OSR2: variants seen among roughly 807,000 people sequenced by gnomAD.
OSR2 encodes odd-skipped related transciption factor 2.
A neutral mutation model predicts 22.3 loss-of-function variants in OSR2; 8 were observed. The observed-to-expected ratio is 0.36, with a 90% CI of 0.21 to 0.65. The LOEUF (loss-of-function observed/expected upper bound fraction) is 0.65. Among genes scored for constraint, OSR2 ranks in the 30% least tolerant of loss-of-function variants. The pLI is 0.66. For missense variants in OSR2, 311 were observed against 413.4 expected, an observed-to-expected ratio of 0.75 and a Z score of 2.15; for synonymous variants, 179 against 173.8, an observed-to-expected ratio of 1.03 and a Z score of -0.23.
In OSR2 at chr8:98,948,651, G is replaced by T; in HGVS notation, c.-114-188G>T. On this transcript the variant is annotated intron_variant, in intron 1 of 3. Coordinates refer to ENST00000297565, the MANE Select transcript of OSR2 (RefSeq NM_001142462.3). The surrounding 1 kb of genome is among the most constrained non-coding windows in gnomAD (Gnocchi z 6.0). Reference sequence around the variant, plus strand: ...GTGGAGCACTTCTTGTTCTGGCCCCGGGCTGATCTGCACGCGGACTTGAGC... The same window carrying T: ...GTGGAGCACTTCTTGTTCTGGCCCCTGGCTGATCTGCACGCGGACTTGAGC... 3 of 961,640 alleles carry T rather than the reference G, an allele frequency of 3.1e-6. No homozygotes were observed. Among genetic ancestry groups the T allele is most frequent in the Non-Finnish European group, 4.5e-6 (3 of 669,264 alleles). The allele number at this position is 961,640 out of a possible 1,614,324, so 59.6% of individuals were successfully genotyped here.
rs562098657 is a variant in OSR2, at chr8:98,951,823, C to T, written c.*122C>T. 47 of 948,348 alleles carry T rather than the reference C, an allele frequency of 5.0e-5. No individual in the cohort carries two copies. The highest frequency in any genetic ancestry group is 4.5e-4 in the East Asian group (17 of 37,844). 58.7% of individuals were successfully genotyped at this position (948,348 alleles called of 1,614,324 possible). A position where few individuals can be genotyped will look rare whatever the true frequency, so the allele number is the denominator to read the frequency against. On this transcript the variant is annotated 3_prime_UTR_variant, in exon 4 of 4. Coordinates refer to ENST00000297565, the MANE Select transcript of OSR2 (RefSeq NM_001142462.3). The stretch of plus-strand genomic sequence containing the variant: ...ACCCCAGCTCTTCCCTTGCTGCAGC[C>T]GCACCTGCAGCTCCAGGGAGTTAAC...
At position 98,944,668 on chromosome 8, in the gene OSR2, C is replaced by T. The variant is rs907773675; in HGVS notation, c.-270C>T. The T allele has an allele frequency of 2.0e-5, 3 of 152,298 alleles. No individual in the cohort carries two copies. Among genetic ancestry groups the T allele is most frequent in the Admixed American group, 6.5e-5 (1 of 15,288 alleles). The allele number at this position is 152,298 out of a possible 1,614,324, so 9.4% of individuals were successfully genotyped here. A position where few individuals can be genotyped will look rare whatever the true frequency, so the allele number is the denominator to read the frequency against. Reference sequence around the variant, plus strand: ...AGACGTGGATCTGCTCTCGCTTTAGCTGCTCGCGGTCCTCCAGATCATGTC... The same window carrying T: ...AGACGTGGATCTGCTCTCGCTTTAGTTGCTCGCGGTCCTCCAGATCATGTC... On this transcript the variant is annotated 5_prime_UTR_variant, in exon 1 of 4. Transcript: ENST00000297565.
At chr8:98,947,130 G>A (rs1338240993) in intron 1 of OSR2, among the ~76,000 whole-genome samples, 2 of 151,438 alleles carry the variant, frequency 1.3e-5, no homozygotes, top group South Asian at 2.1e-4. Context: ...TTGCAGTTGC[G>A]GTTGAATGGT....
rs371504561 is a variant in OSR2 at position 98,951,553 on chromosome 8, C to G, written c.791C>G (p.Thr264Ser). ...CACAAATGTCCCACATGTGGAAGAA[C>G]CTTTAATCAGAGAAGTAATCTGAAA... ...SPHKCPTCGRTFNQRSNLKTH... is the reference protein window; with the variant it reads ...SPHKCPTCGRSFNQRSNLKTH... The change falls in exon 4 of 4, where the codon ACC becomes AGC. Residue 264 changes from threonine (T) to serine (S), a missense_variant. Thr to Ser is a moderately conservative substitution (Grantham distance 58). Coordinates refer to ENST00000297565, the MANE Select transcript of OSR2 (RefSeq NM_001142462.3). 6.2e-7 allele frequency: 1 copy of G among 1,608,694 alleles called. No homozygotes were observed. The highest frequency in any genetic ancestry group is 1.7e-5 in the Admixed American group (1 of 59,214).
In OSR2 at chr8:98,949,266, T is replaced by G; in HGVS notation, c.314T>G (p.Val105Gly). 1.2e-6 allele frequency: 2 copies of G among 1,610,206 alleles called. No individual in the cohort carries two copies. The highest frequency in any genetic ancestry group is 1.7e-6 in the Non-Finnish European group (2 of 1,177,350). ...FHPKQGAIAH[V>G]LPALHKDRPR... is the part of the protein sequence containing the mutation. ...CCCAAGCAGGGGGCCATTGCCCACGTCCTCCCAGCCCTGCACAAGGACCGG... is the reference window on the plus strand; with the variant it reads ...CCCAAGCAGGGGGCCATTGCCCACGGCCTCCCAGCCCTGCACAAGGACCGG... The change falls in exon 2 of 4, where the codon GTC becomes GGC. Residue 105 changes from valine to glycine, a missense_variant. Val to Gly is a moderately radical substitution (Grantham distance 109). This residue lies in a region of OSR2 where 146 missense variants were observed against 160.5 expected (regional missense o/e 0.91). Transcript: ENST00000297565. This position sits in a 1 kb window ranked among gnomAD's most constrained non-coding sequence, Gnocchi z 5.9.
intron 1 of OSR2, chr8:98,946,341 A>T (rs1840614558): frequency 6.6e-6 from 1 of 152,252 alleles, no homozygotes; most frequent in Non-Finnish European, 1.5e-5. Context: ...GTACTTTAGG[A>T]TCTCTGCATT....
intron 1 of OSR2, among the ~76,000 whole-genome samples, chr8:98,947,395 C>T (rs1023726484): frequency 6.6e-6 from 1 of 151,266 alleles, no homozygotes; most frequent in African/African-American, 2.4e-5. Context: ...ACAAGTCAGA[C>T]GCAGGAAGGG....
Position 98,950,966 on chromosome 8 carries a change from TTTGA to T in OSR2, c.756+214_756+217del, listed in dbSNP as rs1454293307. 17 of 605,366 alleles carry T rather than the reference TTTGA, an allele frequency of 2.8e-5. 1 individual carries two copies. Among genetic ancestry groups the T allele is most frequent in the South Asian group, 1.0e-4 (5 of 47,936 alleles). The allele number at this position is 605,366 out of a possible 1,614,324, so 37.5% of individuals were successfully genotyped here. A position where few individuals can be genotyped will look rare whatever the true frequency, so the allele number is the denominator to read the frequency against. On this transcript the variant is annotated intron_variant, in intron 3 of 3. Coordinates refer to ENST00000297565, the MANE Select transcript of OSR2 (RefSeq NM_001142462.3). ...TATATTTTTCTCAAAAAACGGCCAC[TTTGA>T]TTATCATAAATCCTAATTTTAGAAT... is the stretch of plus-strand genomic sequence containing the variant.
At position 98,951,852 on chromosome 8, in the gene OSR2, T is replaced by C; in HGVS notation, c.*151T>C. On this transcript the variant is annotated 3_prime_UTR_variant, in exon 4 of 4. Transcript: ENST00000297565. ...CCTGCAGCTCCAGGGAGTTAACTCT[T>C]CTTCTGGGGGACTGAGAACTGTAGA... is the stretch of plus-strand genomic sequence containing the variant. 1.4e-6 allele frequency: 1 copy of C among 696,714 alleles called. No individual in the cohort carries two copies. Among genetic ancestry groups the C allele is most frequent in the East Asian group, 2.7e-5 (1 of 36,708 alleles). The allele number at this position is 696,714 out of a possible 1,614,324, so 43.2% of individuals were successfully genotyped here.
At chr8:98,947,632 C>T (rs1840646859) in intron 1 of OSR2, among the ~76,000 whole-genome samples, 1 of 152,150 alleles carries the variant, frequency 6.6e-6, no homozygotes, top group African/African-American at 2.4e-5. Context: ...ATCCCGGGAA[C>T]CTGGGTCTGA....
In OSR2 at chr8:98,948,996, C is replaced by T. The variant is rs1411952759; in HGVS notation, c.44C>T (p.Ser15Leu). 49 of 1,613,864 alleles carry T rather than the reference C, an allele frequency of 3.0e-5. No individual in the cohort carries two copies. Among genetic ancestry groups the T allele is most frequent in the Non-Finnish European group, 3.7e-5 (44 of 1,179,916 alleles). The change falls in exon 2 of 4, where the codon TCG becomes TTG. Residue 15 changes from serine (S) to leucine (L), a missense_variant. Physicochemically the swap from Ser to Leu is moderately radical, Grantham distance 145. Coordinates refer to ENST00000297565, the MANE Select transcript of OSR2 (RefSeq NM_001142462.3). The surrounding 1 kb of genome is among the most constrained non-coding windows in gnomAD (Gnocchi z 6.0). ...ALPAPIPLHP[S>L]LQLTNYSFLQ... ...CCAGCGCCCATCCCGCTCCACCCGT[C>T]GCTGCAGCTCACCAATTACTCCTTC...
Position 98,951,675 on chromosome 8 carries a change from A to T in OSR2, c.913A>T (p.Thr305Ser). Reference sequence around the variant, plus strand: ...CTGTGATCTGCGGCGGCACAGCCTGACTCACACCCCGCGGCAGGACTTCTA... The same window carrying T: ...CTGTGATCTGCGGCGGCACAGCCTGTCTCACACCCCGCGGCAGGACTTCTA... ...RNCDLRRHSL[T>S]HTPRQDF The change falls in exon 4 of 4, where the codon ACT (threonine) becomes TCT (serine). Residue 305 changes from threonine to serine, a missense_variant. Transcript: ENST00000297565. 6.2e-7 allele frequency: 1 copy of T among 1,613,504 alleles called. No homozygotes were observed. Among genetic ancestry groups the T allele is most frequent in the Non-Finnish European group, 8.5e-7 (1 of 1,179,782 alleles).
intron 2 of OSR2, 139 bp from the exon 3 acceptor site, chr8:98,950,517 A>AG (rs1300414101): frequency 3.2e-6 from 2 of 629,670 alleles, no homozygotes; most frequent in Non-Finnish European, 5.5e-6. Context: ...AGAATTACAC[A>AG]GGAAAAAAAA....
chr8:98,949,006 C>G lies in OSR2; in HGVS notation c.54C>G (p.Leu18=), dbSNP rs377174336. ...APIPLHPSLQ[L]TNYSFLQAVN... ...TCCCGCTCCACCCGTCGCTGCAGCT[C>G]ACCAATTACTCCTTCCTGCAGGCCG... Residue 18 remains leucine, a synonymous_variant, in exon 2 of 4, where the codon CTC becomes CTG. Coordinates refer to ENST00000297565, the MANE Select transcript of OSR2 (RefSeq NM_001142462.3). The surrounding 1 kb of genome is among the most constrained non-coding windows in gnomAD (Gnocchi z 5.9). The G allele has an allele frequency of 1.7e-5, 27 of 1,613,998 alleles. No individual in the cohort carries two copies. In the African/African-American group the frequency reaches 2.0e-4, roughly 12 times the overall value.
Position 98,951,758 on chromosome 8 carries a change from C to A in OSR2, c.*57C>A, listed in dbSNP as rs1234660641. On this transcript the variant is annotated 3_prime_UTR_variant, in exon 4 of 4. Coordinates refer to ENST00000297565, the MANE Select transcript of OSR2 (RefSeq NM_001142462.3). ...GCTCCCCTCCCCAGACACCTCTCCACGTCTCCTACCCAGGGGGTCGCATCC... is the reference window on the plus strand; with the variant it reads ...GCTCCCCTCCCCAGACACCTCTCCAAGTCTCCTACCCAGGGGGTCGCATCC... The A allele has an allele frequency of 3.3e-6, 5 of 1,534,614 alleles. No individual in the cohort carries two copies. The highest frequency in any genetic ancestry group is 3.9e-5 in the Admixed American group (2 of 50,920).
At chr8:98,950,588 T>G in intron 2 of OSR2, 68 bp from the exon 3 acceptor site, 1 of 932,028 alleles carries the variant, frequency 1.1e-6, no homozygotes, top group South Asian at 1.6e-5. Context: ...TCCTTTTAAG[T>G]AATTGCTAAA....
At position 98,951,815 on chromosome 8, in the gene OSR2, G is replaced by C. The variant is rs1840792149; in HGVS notation, c.*114G>C. ...CTTCACTGACCCCAGCTCTTCCCTTGCTGCAGCCGCACCTGCAGCTCCAGG... is the reference window on the plus strand; with the variant it reads ...CTTCACTGACCCCAGCTCTTCCCTTCCTGCAGCCGCACCTGCAGCTCCAGG... On this transcript the variant is annotated 3_prime_UTR_variant, in exon 4 of 4. Transcript: ENST00000297565. 9.4e-7 allele frequency: 1 copy of C among 1,059,256 alleles called. No individual in the cohort carries two copies. The highest frequency in any genetic ancestry group is 2.8e-5 in the Admixed American group (1 of 35,274). The allele number at this position is 1,059,256 out of a possible 1,614,324, so 65.6% of individuals were successfully genotyped here.
In OSR2 at chr8:98,948,488, GTGGGC is replaced by G. The variant is rs1193886532; in HGVS notation, c.-114-326_-114-322del. 8.6e-5 allele frequency: 111 copies of G among 1,296,004 alleles called. No individual in the cohort carries two copies. The highest frequency in any genetic ancestry group is 3.8e-4 in the East Asian group (13 of 34,598). 80.3% of individuals were successfully genotyped at this position (1,296,004 alleles called of 1,614,324 possible). A position where few individuals can be genotyped will look rare whatever the true frequency, so the allele number is the denominator to read the frequency against. On this transcript the variant is annotated intron_variant, in intron 1 of 3. Coordinates refer to ENST00000297565, the MANE Select transcript of OSR2 (RefSeq NM_001142462.3). This position sits in a 1 kb window ranked among gnomAD's most constrained non-coding sequence, Gnocchi z 6.0. The stretch of plus-strand genomic sequence containing the variant: ...GCTTCGCCTAACAGGCTTGGGGAGG[GTGGGC>G]TGGGCTGGGCTGGGCTGGGCTGGGT...
intron 3 of OSR2, chr8:98,951,108 T>A: frequency 2.0e-6 from 1 of 501,198 alleles, no homozygotes; most frequent in South Asian, 3.2e-5. Context: ...CCCAAGGGCC[T>A]CATAATTTGT....
Sources: allele counts gnomAD v4.1 joint callset (sites outside exome capture counted in the v4.1 genomes callset), GRCh38; gene constraint gnomAD v4.1.1; regional missense constraint gnomAD v4.1.1; non-coding constraint Gnocchi (gnomAD v3.1); transcripts MANE v1.5; gene names NCBI Gene and HGNC (gene_info 2026-07-23, HGNC 2026-07-21).